HIBADH: variants seen among roughly 807,000 people sequenced by gnomAD.
HIBADH encodes the protein 3-hydroxyisobutyrate dehydrogenase, also known as 3-hydroxyisobutyrate dehydrogenase, mitochondrial.
Under a neutral mutation model 36.1 loss-of-function variants are expected in HIBADH, and 25 were observed. The ratio of observed to expected loss-of-function variants is 0.69; its 90% CI spans 0.50 to 0.97. The LOEUF is 0.97. Ranked by LOEUF, HIBADH falls within the 50% of genes least tolerant of loss-of-function variation. The probability of loss-of-function intolerance (pLI) is 0.00; values close to 1 mark genes in which losing one functional copy is unlikely to be tolerated. For missense variants in HIBADH, 421 were observed against 418.0 expected (o/e 1.01, Z -0.06); for synonymous variants, 160 against 149.5 (o/e 1.07, Z -0.51).
intron 4 of HIBADH, among the ~76,000 whole-genome samples, chr7:27,556,351 T>C (rs1262478595): frequency 1.3e-5 from 2 of 152,248 alleles, no homozygotes; most frequent in East Asian, 1.9e-4. Context: ...TACTCTGTTA[T>C]ATATTTTGCA....
chr7:27,590,920 C>T (rs1784930123), intron 4 of HIBADH, among the ~76,000 whole-genome samples: 1 of 152,150 alleles, frequency 6.6e-6, no homozygotes, highest in African/African-American at 2.4e-5. Flanking sequence ...CCTTGAATAT[C>T]TCCCTCAAAT....
At chr7:27,617,057 T>A (rs931875362) in intron 4 of HIBADH, among the ~76,000 whole-genome samples, 3 of 152,020 alleles carry the variant, frequency 2.0e-5, no homozygotes, top group Non-Finnish European at 4.4e-5. Context: ...CAGTGTACAG[T>A]AATGTCCTGG....
chr7:27,532,433 C>T (rs1396927005), intron 6 of HIBADH, among the ~76,000 whole-genome samples: 1 of 152,210 alleles, frequency 6.6e-6, no homozygotes, highest in Non-Finnish European at 1.5e-5. Flanking sequence ...AGATTGTTTA[C>T]TCTGTGTGTC....
rs1784097005 is a variant in HIBADH at position 27,538,381 on chromosome 7, T to C, written c.655A>G (p.Ser219Gly). 1.2e-6 allele frequency: 2 copies of C among 1,613,084 alleles called. No homozygotes were observed. The highest frequency in any genetic ancestry group is 1.7e-5 in the Admixed American group (1 of 59,914). Residue 219 changes from serine (S) to glycine (G), a missense_variant, in exon 6 of 8, where the codon AGT (serine) becomes GGT (glycine). Physicochemically the swap from Ser to Gly is moderately conservative, Grantham distance 56. Coordinates refer to ENST00000265395, the MANE Select transcript of HIBADH (RefSeq NM_152740.4). Reference protein sequence around the residue: ...KICNNMLLAISMIGTAEAMNL... With the variant: ...KICNNMLLAIGMIGTAEAMNL... ...ATAGCTTCAGCAGTTCCAATCATAC[T>C]AATAGCTAACAGCATGTTGTTGCAG...
chr7:27,643,150 T>C (rs938804817), intron 2 of HIBADH, among the ~76,000 whole-genome samples: 7 of 152,262 alleles, frequency 4.6e-5, no homozygotes, highest in African/African-American at 1.7e-4. Context: ...TTCTGAGCTA[T>C]ATTCCCAGTG....
intron 4 of HIBADH, among the ~76,000 whole-genome samples, chr7:27,617,993 C>CTGAA (rs1297102968): frequency 6.6e-6 from 1 of 152,228 alleles, no homozygotes; most frequent in African/African-American, 2.4e-5. Flanking sequence ...ACAAAGGAAA[C>CTGAA]TGAAGCACAC....
chr7:27,571,182 C>T (rs933439993), intron 4 of HIBADH, among the ~76,000 whole-genome samples: 15 of 151,952 alleles, frequency 9.9e-5, no homozygotes, highest in Admixed American at 7.9e-4. Context: ...TCGGTCATTT[C>T]TGACATTTTC....
chr7:27,573,247 A>G (rs189501318), intron 4 of HIBADH, among the ~76,000 whole-genome samples: 61 of 152,284 alleles, frequency 4.0e-4, no homozygotes, highest in Admixed American at 2.6e-3. Context: ...CTCTTCTTGG[A>G]ATGTCCTCAT....
chr7:27,526,695 T>A (rs192899210), intron 7 of HIBADH, among the ~76,000 whole-genome samples: 3,839 of 152,174 alleles, frequency 0.025, 143 homozygotes, highest in African/African-American at 0.087. Flanking sequence ...TAAATTTTTT[T>A]TAAAAAATTC....
chr7:27,619,446 T>C (rs1785498202), intron 4 of HIBADH, among the ~76,000 whole-genome samples: 1 of 152,218 alleles, frequency 6.6e-6, no homozygotes, highest in Non-Finnish European at 1.5e-5. Context: ...ACAACAATTC[T>C]ACAACAATAT....
intron 4 of HIBADH, among the ~76,000 whole-genome samples, chr7:27,595,163 C>A (rs559042260): frequency 6.6e-6 from 1 of 151,490 alleles, no homozygotes; most frequent in Non-Finnish European, 1.5e-5. Context: ...AAAGAAAGGA[C>A]AAACTGGCAG....
intron 2 of HIBADH, among the ~76,000 whole-genome samples, chr7:27,645,075 G>A (rs1786037822): frequency 6.6e-6 from 1 of 151,986 alleles, no homozygotes. Context: ...ATAGATTTTT[G>A]CGTTGTTTCC....
chr7:27,530,714 T>G (rs1783983510), intron 7 of HIBADH, among the ~76,000 whole-genome samples: 1 of 152,208 alleles, frequency 6.6e-6, no homozygotes, highest in African/African-American at 2.4e-5. Context: ...TTAACTAGTT[T>G]TTATATATAA....
chr7:27,534,212 T>C (rs1471115674), intron 6 of HIBADH, among the ~76,000 whole-genome samples: 1 of 152,200 alleles, frequency 6.6e-6, no homozygotes, highest in African/African-American at 2.4e-5. Flanking sequence ...ACCAAGACTT[T>C]AAGGGCCAAA....
In HIBADH at chr7:27,644,508, G is replaced by C. The variant is rs566089514; in HGVS notation, c.252+4965C>G. ...CCAGCTACTCAGGAGTCTGAGACAG[G>C]AGAATTGCTTGAACCTGGGAGGCGG... On this transcript the variant is annotated intron_variant, in intron 2 of 7. Coordinates refer to ENST00000265395, the MANE Select transcript of HIBADH (RefSeq NM_152740.4). Among the ~76,000 whole-genome samples the C allele has an allele frequency of 2.0e-5, 3 of 150,706 alleles. No homozygotes were observed. The South Asian group carries it at 6.3e-4, about 32-fold the overall frequency.
chr7:27,560,886 T>C (rs1375436814), intron 4 of HIBADH, among the ~76,000 whole-genome samples: 1 of 152,188 alleles, frequency 6.6e-6, no homozygotes, highest in East Asian at 1.9e-4. Context: ...CCAATATCAT[T>C]TTCCACAGTG....
At chr7:27,538,488 C>T (rs937530067) in intron 5 of HIBADH, 71 bp from the exon 6 acceptor site, 6 of 1,309,058 alleles carry the variant, frequency 4.6e-6, no homozygotes, top group Admixed American at 1.7e-5. Context: ...TTTTTCCTTG[C>T]CCAATTCCAG....
chr7:27,622,818 C>A (rs755658871), intron 4 of HIBADH, among the ~76,000 whole-genome samples: 4 of 152,080 alleles, frequency 2.6e-5, no homozygotes, highest in African/African-American at 4.8e-5. Flanking sequence ...CAGGACCAGA[C>A]AAACTGACAG....
chr7:27,607,090 G>A (rs1276191123), intron 4 of HIBADH, among the ~76,000 whole-genome samples: 1 of 152,128 alleles, frequency 6.6e-6, no homozygotes, highest in African/African-American at 2.4e-5. Context: ...CAAAGTGCAG[G>A]ATTTAAGATG....
Sources: allele counts gnomAD v4.1 joint callset (sites outside exome capture counted in the v4.1 genomes callset), GRCh38; gene constraint gnomAD v4.1.1; transcripts MANE v1.5; gene names NCBI Gene and HGNC (gene_info 2026-07-23, HGNC 2026-07-21).